The following MALRD1 variants were observed in gnomAD, a reference collection of about 807,000 sequenced individuals.
MALRD1 encodes MAM and LDL-receptor class A domain-containing protein 1.
A neutral mutation model predicts 242.1 loss-of-function variants in MALRD1; 247 were observed. The ratio of observed to expected loss-of-function variants is 1.02; its 90% CI spans 0.92 to 1.13. The LOEUF (loss-of-function observed/expected upper bound fraction) is 1.13, where lower values mean the gene tolerates loss of function less well. Among genes scored for constraint, MALRD1 ranks in the 50% most tolerant of loss-of-function variants. The pLI is 0.00. For synonymous variants in MALRD1, 995 were observed against 866.6 expected (o/e 1.15, Z -2.60); for missense variants, 2,989 against 2,533.1 (o/e 1.18, Z -3.86).
At position 19,139,196 on chromosome 10, in the gene MALRD1, T is replaced by C. The variant is rs527959400; in HGVS notation, c.1411+2415T>C. Among the ~76,000 whole-genome samples, 5 of 152,334 alleles carry C rather than the reference T, an allele frequency of 3.3e-5. No homozygotes were observed. The South Asian group carries it at 1.0e-3, about 32-fold the overall frequency. Reference sequence around the variant, plus strand: ...ATTATATAGATTTGGATTATTAGAATTGATATAAATTTACACTATTTGCTG... The same window carrying C: ...ATTATATAGATTTGGATTATTAGAACTGATATAAATTTACACTATTTGCTG... On this transcript the variant is annotated intron_variant, in intron 10 of 39. Transcript: ENST00000454679.
At chr10:19,669,999 C>A (rs1421159420) in intron 36 of MALRD1, among the ~76,000 whole-genome samples, 4 of 151,890 alleles carry the variant, frequency 2.6e-5, no homozygotes, top group Non-Finnish European at 5.9e-5. Context: ...TCTAGTGCAA[C>A]TTGAATTTTT....
intron 29 of MALRD1, among the ~76,000 whole-genome samples, chr10:19,462,750 T>C (rs1242591134): frequency 6.6e-6 from 1 of 152,128 alleles, no homozygotes; most frequent in Non-Finnish European, 1.5e-5. Context: ...AGTCCAATAG[T>C]GAGGATAAAA....
rs1322542433 is a variant in MALRD1 at position 19,209,423 on chromosome 10, C to G, written c.2734C>G (p.Leu912Val). The change falls in exon 18 of 40, where the codon CTC becomes GTC. Residue 912 changes from leucine to valine, a missense_variant. By Grantham distance (32) the Leu-to-Val change is conservative. Coordinates refer to ENST00000454679, the MANE Select transcript of MALRD1 (RefSeq NM_001142308.3). Reference protein sequence around the residue: ...NTLGTAKGHYLYIESSEPQAF... With the variant: ...NTLGTAKGHYVYIESSEPQAF... ...TCTGGGCACAGCTAAAGGACACTAT[C>G]TCTACATAGAATCTTCAGAGCCACA... The G allele has an allele frequency of 6.4e-7, 1 of 1,551,016 alleles. No individual in the cohort carries two copies. Among genetic ancestry groups the G allele is most frequent in the Non-Finnish European group, 8.7e-7 (1 of 1,147,088 alleles).
chr10:19,187,996 C>CA (rs1835811635), intron 14 of MALRD1, among the ~76,000 whole-genome samples: 1 of 152,166 alleles, frequency 6.6e-6, no homozygotes, highest in Non-Finnish European at 1.5e-5. Flanking sequence ...AATTAAATCA[C>CA]AATCTCTAGG....
At chr10:19,730,842 A>G in intron 39 of MALRD1, 61 bp downstream of exon 39, 1 of 1,387,702 alleles carries the variant, frequency 7.2e-7, no homozygotes, top group South Asian at 1.2e-5. Context: ...AAACACACAC[A>G]CACACACAGG....
chr10:19,071,958 G>C (rs1044054404), intron 2 of MALRD1, among the ~76,000 whole-genome samples: 2 of 152,134 alleles, frequency 1.3e-5, no homozygotes, highest in African/African-American at 4.8e-5. Context: ...AGGACCTGAA[G>C]ATATAAAAGT....
intron 12 of MALRD1, among the ~76,000 whole-genome samples, chr10:19,159,470 A>G (rs1392032605): frequency 6.6e-6 from 1 of 152,104 alleles, no homozygotes; most frequent in South Asian, 2.1e-4. Flanking sequence ...GATGTGAAGC[A>G]GAGAAGGCAG....
chr10:19,107,518 T>C (rs1836505902), intron 5 of MALRD1, among the ~76,000 whole-genome samples: 1 of 151,750 alleles, frequency 6.6e-6, no homozygotes, highest in Non-Finnish European at 1.5e-5. Context: ...AGTCTATGGG[T>C]ATTTTACAGG....
chr10:19,237,566 A>T lies in MALRD1; in HGVS notation c.2992-20118A>T. 3.6e-3 allele frequency among the ~76,000 whole-genome samples: 405 copies of T among 112,628 alleles called. 1 individual carries two copies. Among genetic ancestry groups the T allele is most frequent in the Non-Finnish European group, 5.9e-3 (333 of 56,890 alleles). The allele number at this position is 112,628 out of a possible 152,430, so 73.9% of individuals were successfully genotyped here. On this transcript the variant is annotated intron_variant, in intron 18 of 39. Transcript: ENST00000454679. ...TATGTATAATTATAATTACACATAAAATTATATATAATTATAATTATATAA... is the reference window on the plus strand; with the variant it reads ...TATGTATAATTATAATTACACATAATATTATATATAATTATAATTATATAA...
In MALRD1 at chr10:19,171,986, A is replaced by ATAC. The variant is rs373788788; in HGVS notation, c.1831-3222_1831-3221insTAC. ...CACATATATGTGATATATATCATAT[A>ATAC]ATATATGTATATATCACATATATGT... On this transcript the variant is annotated intron_variant, in intron 13 of 39. Transcript: ENST00000454679. Among the ~76,000 whole-genome samples, 2 of 7,650 alleles carry ATAC rather than the reference A, an allele frequency of 2.6e-4. 1 individual carries two copies. The highest frequency in any genetic ancestry group is 0.02 in the East Asian group (2 of 102). 5.0% of individuals were successfully genotyped at this position (7,650 alleles called of 152,430 possible).
At chr10:19,633,152 A>G (rs1031984784) in intron 36 of MALRD1, among the ~76,000 whole-genome samples, 6 of 152,054 alleles carry the variant, frequency 3.9e-5, no homozygotes, top group Non-Finnish European at 5.9e-5. Flanking sequence ...GATCACTTGA[A>G]TCTGGGAGGT....
intron 38 of MALRD1, among the ~76,000 whole-genome samples, chr10:19,694,792 A>G (rs1833290044): frequency 6.6e-6 from 1 of 152,212 alleles, no homozygotes; most frequent in African/African-American, 2.4e-5. Context: ...TTGCGGCACT[A>G]TTCACAATAG....
intron 28 of MALRD1, among the ~76,000 whole-genome samples, chr10:19,404,553 A>T (rs1401675097): frequency 6.6e-6 from 1 of 152,102 alleles, no homozygotes; most frequent in Admixed American, 6.6e-5. Flanking sequence ...GCACTGTTAA[A>T]TATTTTAGAA....
At chr10:19,442,724 T>C (rs568321120) in intron 28 of MALRD1, among the ~76,000 whole-genome samples, 33 of 152,330 alleles carry the variant, frequency 2.2e-4, no homozygotes, top group African/African-American at 7.7e-4. Flanking sequence ...GTTTTGCCAG[T>C]ATTTTATTGA....
At chr10:19,168,115 G>A (rs754417527) in intron 13 of MALRD1, among the ~76,000 whole-genome samples, 1 of 152,102 alleles carries the variant, frequency 6.6e-6, no homozygotes, top group Non-Finnish European at 1.5e-5. Context: ...CTCTAGGCTC[G>A]ATCATTAAAG....
intron 38 of MALRD1, among the ~76,000 whole-genome samples, chr10:19,720,418 A>C (rs1433160016): frequency 1.3e-5 from 2 of 152,238 alleles, no homozygotes; most frequent in East Asian, 3.8e-4. Context: ...CAGGATCCAC[A>C]AAATAAATGC....
At chr10:19,062,641 A>G (rs544007581) in intron 1 of MALRD1, among the ~76,000 whole-genome samples, 3 of 152,356 alleles carry the variant, frequency 2.0e-5, no homozygotes, top group African/African-American at 7.2e-5. Flanking sequence ...ACAGAAAAAC[A>G]TACACTATAT....
intron 23 of MALRD1, among the ~76,000 whole-genome samples, chr10:19,328,774 A>T (rs1843241284): frequency 1.3e-5 from 2 of 152,176 alleles, no homozygotes. Flanking sequence ...TATGCATAAG[A>T]AGGAAGTTCA....
chr10:19,064,911 G>T (rs1336000806), intron 1 of MALRD1, among the ~76,000 whole-genome samples: 3 of 152,000 alleles, frequency 2.0e-5, no homozygotes, highest in East Asian at 3.9e-4. Context: ...GTGGGGTGTT[G>T]GCAACTGCAG....
Sources: gnomAD v4.1 joint callset for allele counts (sites outside exome capture counted in the v4.1 genomes callset) on GRCh38, gnomAD v4.1.1 for gene constraint, MANE v1.5 for transcripts, NCBI Gene and HGNC (gene_info 2026-07-23, HGNC 2026-07-21) for gene names.